ZNF385D: variants seen among roughly 807,000 people sequenced by gnomAD.
The protein encoded by ZNF385D is zinc finger protein 385D.
Under a neutral mutation model 35.8 loss-of-function variants are expected in ZNF385D, and 15 were observed. The observed-to-expected ratio is 0.42, with a 90% CI of 0.28 to 0.64. ZNF385D has a LOEUF of 0.64. Ranked by LOEUF, ZNF385D falls within the 30% of genes least tolerant of loss-of-function variation. The probability of loss-of-function intolerance (pLI) is 0.23; values close to 1 mark genes in which losing one functional copy is unlikely to be tolerated. For synonymous variants in ZNF385D, 212 were observed against 186.8 expected (o/e 1.13, Z -1.10); for missense variants, 474 against 494.6 (o/e 0.96, Z 0.39).
At chr3:21,678,150 A>G (rs1216704855) in intron 1 of ZNF385D, among the ~76,000 whole-genome samples, 1 of 152,098 alleles carries the variant, frequency 6.6e-6, no homozygotes, top group East Asian at 1.9e-4. Flanking sequence ...GAAGACAGAC[A>G]ATAGAATAAT....
chr3:21,533,832 G>A (rs1230077723), intron 3 of ZNF385D, among the ~76,000 whole-genome samples: 1 of 152,092 alleles, frequency 6.6e-6, no homozygotes, highest in Non-Finnish European at 1.5e-5. Context: ...CAAAAGGAGA[G>A]ACTATATTGG....
chr3:21,851,984 C>T (rs1696413041), intron 3 of ZNF385D, among the ~76,000 whole-genome samples: 1 of 151,964 alleles, frequency 6.6e-6, no homozygotes, highest in South Asian at 2.1e-4. Context: ...GATATTGTTA[C>T]TTATCTTTCT....
At chr3:21,462,444 A>G (rs1703236361) in intron 4 of ZNF385D, among the ~76,000 whole-genome samples, 1 of 152,200 alleles carries the variant, frequency 6.6e-6, no homozygotes, top group African/African-American at 2.4e-5. Context: ...AAGAAATATA[A>G]CTTAGAAATA....
At chr3:21,456,406 A>G (rs1485154977) in intron 4 of ZNF385D, among the ~76,000 whole-genome samples, 1 of 152,248 alleles carries the variant, frequency 6.6e-6, no homozygotes, top group African/African-American at 2.4e-5. Flanking sequence ...CTATGCAGCA[A>G]TAAAAAAGGA....
intron 3 of ZNF385D, among the ~76,000 whole-genome samples, chr3:22,145,800 G>T (rs533943048): frequency 6.6e-6 from 1 of 152,160 alleles, no homozygotes; most frequent in Non-Finnish European, 1.5e-5. Context: ...GAGGCCAGTG[G>T]TTTCCCCATC....
At chr3:22,354,552 T>C (rs1391308950) in intron 2 of ZNF385D, among the ~76,000 whole-genome samples, 1 of 152,078 alleles carries the variant, frequency 6.6e-6, no homozygotes, top group South Asian at 2.1e-4. Context: ...ATTCATTCAA[T>C]TAAATTGAAT....
intron 3 of ZNF385D, among the ~76,000 whole-genome samples, chr3:22,109,974 G>T (rs751766518): frequency 6.6e-6 from 1 of 152,088 alleles, no homozygotes; most frequent in Non-Finnish European, 1.5e-5. Flanking sequence ...ACAAGTGGGC[G>T]AAGGATATGA....
intron 2 of ZNF385D, among the ~76,000 whole-genome samples, chr3:22,371,640 A>T (rs1696910092): frequency 6.6e-6 from 1 of 152,128 alleles, no homozygotes; most frequent in Non-Finnish European, 1.5e-5. Flanking sequence ...CTCTGACCCA[A>T]ATTCATACAC....
chr3:22,196,309 A>C (rs1044535757), intron 2 of ZNF385D, among the ~76,000 whole-genome samples: 2 of 152,066 alleles, frequency 1.3e-5, no homozygotes, highest in Non-Finnish European at 2.9e-5. Context: ...ATTTCACAGA[A>C]TATTCTTTGT....
At chr3:22,183,569 G>T (rs1695428033) in intron 2 of ZNF385D, among the ~76,000 whole-genome samples, 1 of 151,890 alleles carries the variant, frequency 6.6e-6, no homozygotes, top group Admixed American at 6.6e-5. Context: ...TATTGGCCAG[G>T]CTAGTCTCAA....
chr3:21,669,737 A>T (rs371758650), intron 1 of ZNF385D, among the ~76,000 whole-genome samples: 5 of 152,194 alleles, frequency 3.3e-5, no homozygotes, highest in East Asian at 3.8e-4. Flanking sequence ...TTTTTTAATG[A>T]ACCGAAGAAC....
intron 3 of ZNF385D, among the ~76,000 whole-genome samples, chr3:21,932,702 G>C (rs1458044029): frequency 2.6e-5 from 4 of 151,816 alleles, no homozygotes; most frequent in African/African-American, 4.8e-5. Flanking sequence ...TTTACTTCTT[G>C]ACTTTATGGT....
chr3:22,029,739 G>A lies in ZNF385D; in HGVS notation c.325+139078C>T, dbSNP rs1006644950. 3.9e-5 allele frequency among the ~76,000 whole-genome samples: 6 copies of A among 152,068 alleles called. No homozygotes were observed. The South Asian group carries it at 8.3e-4, about 21-fold the overall frequency. On this transcript the variant is annotated intron_variant, in intron 3 of 5. Coordinates refer to the ZNF385D transcript ENST00000494108. ...TTTCTGTAATAGTATTTGGGTTGGG[G>A]ATTGGTGCATTTCTAGTTGTATGAA...
chr3:21,505,054 T>C (rs372220566), intron 4 of ZNF385D, among the ~76,000 whole-genome samples: 1 of 152,064 alleles, frequency 6.6e-6, no homozygotes, highest in African/African-American at 2.4e-5. Flanking sequence ...GGGAGGGAAG[T>C]GGACTCTAGC....
chr3:21,801,016 T>C (rs1293240423), intron 3 of ZNF385D, among the ~76,000 whole-genome samples: 1 of 152,126 alleles, frequency 6.6e-6, no homozygotes, highest in Non-Finnish European at 1.5e-5. Context: ...ATTGAAAAAG[T>C]CTCCTTTTAT....
intron 2 of ZNF385D, among the ~76,000 whole-genome samples, chr3:21,580,383 G>A (rs1177387925): frequency 6.6e-6 from 1 of 152,056 alleles, no homozygotes; most frequent in Admixed American, 6.6e-5. Context: ...GCAAACAATA[G>A]ATATTTTTGA....
Position 21,560,992 on chromosome 3 carries a change from C to T in ZNF385D, c.276+3582G>A, listed in dbSNP as rs546312103. ...AGCTTCAGCAATGGTGGACACCCCT[C>T]CCCCAACCAAGCTGGAGCATCCCAG... On this transcript the variant is annotated intron_variant, in intron 3 of 7. Coordinates refer to ENST00000281523, the MANE Select transcript of ZNF385D (RefSeq NM_024697.3). Among the ~76,000 whole-genome samples, 6 of 152,258 alleles carry T rather than the reference C, an allele frequency of 3.9e-5. No homozygotes were observed. The South Asian group carries it at 1.2e-3, about 32-fold the overall frequency.
At chr3:22,304,273 A>G (rs1703081751) in intron 2 of ZNF385D, among the ~76,000 whole-genome samples, 2 of 152,196 alleles carry the variant, frequency 1.3e-5, no homozygotes, top group South Asian at 2.1e-4. Context: ...TATTGAGAAC[A>G]TTACACTTTA....
chr3:22,066,471 T>TGTGTGG (rs1472924297), intron 3 of ZNF385D, among the ~76,000 whole-genome samples: 7 of 142,386 alleles, frequency 4.9e-5, no homozygotes, highest in East Asian at 2.1e-4. Flanking sequence ...CGTGTGTGTG[T>TGTGTGG]GTGTGTGTGT....
Sources: gnomAD v4.1 joint callset for allele counts (sites outside exome capture counted in the v4.1 genomes callset) on GRCh38, gnomAD v4.1.1 for gene constraint, MANE v1.5 for transcripts, NCBI Gene and HGNC (gene_info 2026-07-23, HGNC 2026-07-21) for gene names.